Variants in MRPL38 observed in about 807,000 individuals in gnomAD.
The protein encoded by MRPL38 is large ribosomal subunit protein mL38.
In MRPL38, 51 loss-of-function variants were observed where a neutral mutation model predicts 52.1. The observed-to-expected ratio is 0.98, with a 90% confidence interval of 0.78 to 1.24. MRPL38 has a LOEUF of 1.24. MRPL38 is among the 50% of genes most tolerant of loss of function. The pLI is 0.00. For synonymous variants in MRPL38, 245 were observed against 212.7 expected (o/e 1.15, Z -1.32); for missense variants, 527 against 518.6 (o/e 1.02, Z -0.16).
At chr17:75,899,876 G>A (rs982224742) in intron 6 of MRPL38, 6 of 395,762 alleles carry the variant, frequency 1.5e-5, no homozygotes, top group Admixed American at 8.8e-5. Context: ...GAGGAGCTCC[G>A]AGTGGGGGAC....
chr17:75,903,337 A>G (rs1238916824), intron 2 of MRPL38, among the ~76,000 whole-genome samples: 1 of 152,212 alleles, frequency 6.6e-6, no homozygotes, highest in Non-Finnish European at 1.5e-5. Context: ...TGAACCCAGG[A>G]GGCAGAGGTT....
rs548940225 is a variant in MRPL38 at position 75,901,580 on chromosome 17, T to C, written c.591+132A>G. ...TGTTCTATTTTCTTTGAAATTGTCA[T>C]GGTGTCGTCTTCCAGGAAATCAAAG... On this transcript the variant is annotated intron_variant, in intron 4 of 8. Transcript: ENST00000309352. This position sits in a 1 kb window ranked among gnomAD's most constrained non-coding sequence, Gnocchi z 5.7. The C allele has an allele frequency of 2.6e-6, 2 of 763,138 alleles. No individual in the cohort carries two copies. Among genetic ancestry groups the C allele is most frequent in the East Asian group, 2.7e-5 (1 of 37,194 alleles). 47.3% of individuals were successfully genotyped at this position (763,138 alleles called of 1,614,324 possible).
Position 75,901,226 on chromosome 17 carries a change from C to T in MRPL38, c.639G>A (p.Leu213=). Reference sequence around the variant, plus strand: ...CCAAGCTAGTGAGTAGCAACGTCCACAAGGAGCCCTCTTCTGCCTCATAGG... The same window carrying T: ...CCAAGCTAGTGAGTAGCAACGTCCATAAGGAGCCCTCTTCTGCCTCATAGG... ...EVTYEAEEGS[L]WTLLLTSLDG... The change falls in exon 5 of 9, where the codon TTG becomes TTA. Residue 213 remains leucine (L), a synonymous_variant. Transcript: ENST00000309352. This position sits in a 1 kb window ranked among gnomAD's most constrained non-coding sequence, Gnocchi z 5.7. 1.2e-6 allele frequency: 2 copies of T among 1,613,686 alleles called. No individual in the cohort carries two copies. The highest frequency in any genetic ancestry group is 2.7e-5 in the African/African-American group (2 of 75,068).
Position 75,899,567 on chromosome 17 carries a change from AAG to A in MRPL38, c.816_817del (p.Phe273GlnfsTer7). On this transcript the variant is annotated frameshift_variant, in exon 7 of 9. Coordinates refer to ENST00000309352, the MANE Select transcript of MRPL38 (RefSeq NM_032478.4). LOFTEE classifies it high-confidence loss of function. ...GAAGTCAATCGGCTGGTCCTGCTTG[AAG>A]AGCAGGAAGGCAAGACGGTGGATGC... The A allele has an allele frequency of 6.2e-7, 1 of 1,606,504 alleles. No individual in the cohort carries two copies. Among genetic ancestry groups the A allele is most frequent in the African/African-American group, 1.3e-5 (1 of 74,870 alleles).
At position 75,904,690 on chromosome 17, in the gene MRPL38, C is replaced by G; in HGVS notation, c.97G>C (p.Gly33Arg). 1 of 1,594,914 alleles carries G rather than the reference C, an allele frequency of 6.3e-7. No individual in the cohort carries two copies. The highest frequency in any genetic ancestry group is 8.5e-7 in the Non-Finnish European group (1 of 1,177,718). ...AVLGRRTPPL[G>R]PMPNSDIDLS... is the part of the protein sequence containing the mutation. ...TCGATGTCACTGTTGGGCATCGGCCCCAGCGGGGGTGTCCGGCGGCCCAGG... is the reference window on the plus strand; with the variant it reads ...TCGATGTCACTGTTGGGCATCGGCCGCAGCGGGGGTGTCCGGCGGCCCAGG... The change falls in exon 2 of 9, where the codon GGG becomes CGG. Residue 33 changes from glycine (G) to arginine (R), a missense_variant. Gly to Arg is a moderately radical substitution (Grantham distance 125). Coordinates refer to ENST00000309352, the MANE Select transcript of MRPL38 (RefSeq NM_032478.4).
In MRPL38 at chr17:75,904,876, C is replaced by A; in HGVS notation, c.-1G>T. ...CGGCTCGCCACCAGGGCGCCGCCATCTTCCCTCCGGCCTGCGACACTGCGG... is the reference window on the plus strand; with the variant it reads ...CGGCTCGCCACCAGGGCGCCGCCATATTCCCTCCGGCCTGCGACACTGCGG... On this transcript the variant is annotated 5_prime_UTR_variant, in exon 1 of 9. Transcript: ENST00000309352. The A allele has an allele frequency of 6.6e-7, 1 of 1,526,274 alleles. No homozygotes were observed. Among genetic ancestry groups the A allele is most frequent in the Non-Finnish European group, 8.7e-7 (1 of 1,143,570 alleles). The allele number at this position is 1,526,274 out of a possible 1,614,324, so 94.5% of individuals were successfully genotyped here. A position where few individuals can be genotyped will look rare whatever the true frequency, so the allele number is the denominator to read the frequency against.
chr17:75,901,903 C>T lies in MRPL38; in HGVS notation c.400G>A (p.Ala134Thr). Residue 134 changes from alanine (A) to threonine (T), a missense_variant, in exon 4 of 9, where the codon GCC (alanine) becomes ACC (threonine). Ala to Thr is a moderately conservative substitution (Grantham distance 58, BLOSUM62 0). Transcript: ENST00000309352. This position sits in a 1 kb window ranked among gnomAD's most constrained non-coding sequence, Gnocchi z 5.7. Reference protein sequence around the residue: ...RLRTASVPLDAVRAEWERTCG... With the variant: ...RLRTASVPLDTVRAEWERTCG... The stretch of plus-strand genomic sequence containing the variant: ...GTCCTCTCCCACTCGGCCCGCACGG[C>T]ATCCAGCGGGACACTGGCTAGACAG... The T allele has an allele frequency of 1.9e-6, 3 of 1,544,946 alleles. No individual in the cohort carries two copies. The highest frequency in any genetic ancestry group is 2.5e-5 in the East Asian group (1 of 39,552).
At chr17:75,900,896 T>C (rs1409585268) in intron 6 of MRPL38, 86 bp downstream of exon 6, 3 of 1,520,380 alleles carry the variant, frequency 2.0e-6, no homozygotes, top group Non-Finnish European at 1.8e-6. Flanking sequence ...GGGTAGTCCA[T>C]GAAACTCAGG....
At chr17:75,899,727 G>A in intron 6 of MRPL38, 53 bp from the exon 7 acceptor site, 1 of 1,460,676 alleles carries the variant, frequency 6.8e-7, no homozygotes, top group East Asian at 2.4e-5. Flanking sequence ...CAGCAGGAGT[G>A]TCCCCTCAGC....
rs1376423869 is a variant in MRPL38 at position 75,901,866 on chromosome 17, TA to T, written c.436del (p.Tyr146ThrfsTer39). On this transcript the variant is annotated frameshift_variant, in exon 4 of 9. Transcript: ENST00000309352. LOFTEE classifies it high-confidence loss of function. The surrounding 1 kb of genome is among the most constrained non-coding windows in gnomAD (Gnocchi z 5.7). ...ATACTCAGCCAGACGCTGCTTGTGG[TA>T]GGGGCCACAGGTCCTCTCCCACTCG... Reference protein sequence around the residue: ...RAEWERTCGPYHKQRLAEYYG... With the variant: ...RAEWERTCGPXHKQRLAEYYG... The T allele has an allele frequency of 6.2e-7, 1 of 1,611,854 alleles. No individual in the cohort carries two copies. The highest frequency in any genetic ancestry group is 2.2e-5 in the East Asian group (1 of 44,774).
intron 6 of MRPL38, 89 bp from the exon 7 acceptor site, chr17:75,899,763 T>G: frequency 8.4e-7 from 1 of 1,184,546 alleles, no homozygotes; most frequent in South Asian, 2.1e-5. Context: ...GAGGCTGACA[T>G]GACTCCCTGG....
chr17:75,901,836 C>A lies in MRPL38; in HGVS notation c.467G>T (p.Gly156Val), dbSNP rs779285651. ...YHKQRLAEYY[G>V]LYRDLFHGAT... ...ACCGTGGAACAGGTCTCGGTAGAGG[C>A]CGTAATACTCAGCCAGACGCTGCTT... The change falls in exon 4 of 9, where the codon GGC becomes GTC. Residue 156 changes from glycine (G) to valine (V), a missense_variant. Coordinates refer to ENST00000309352, the MANE Select transcript of MRPL38 (RefSeq NM_032478.4). The surrounding 1 kb of genome is among the most constrained non-coding windows in gnomAD (Gnocchi z 5.7). 6.2e-6 allele frequency: 10 copies of A among 1,613,290 alleles called. No homozygotes were observed. In the African/African-American group the frequency reaches 1.2e-4, roughly 19 times the overall value.
chr17:75,901,870 G>C lies in MRPL38; in HGVS notation c.433C>G (p.Pro145Ala). ...TCAGCCAGACGCTGCTTGTGGTAGG[G>C]GCCACAGGTCCTCTCCCACTCGGCC... ...VRAEWERTCG[P>A]YHKQRLAEYY... Residue 145 changes from proline (P) to alanine (A), a missense_variant, in exon 4 of 9, where the codon CCC becomes GCC. Physicochemically the swap from Pro to Ala is conservative, Grantham distance 27. Transcript: ENST00000309352. This position sits in a 1 kb window ranked among gnomAD's most constrained non-coding sequence, Gnocchi z 5.7. The C allele has an allele frequency of 6.2e-7, 1 of 1,612,976 alleles. No homozygotes were observed. The highest frequency in any genetic ancestry group is 8.5e-7 in the Non-Finnish European group (1 of 1,179,798).
At position 75,901,346 on chromosome 17, in the gene MRPL38, G is replaced by A; in HGVS notation, c.592-73C>T. On this transcript the variant is annotated intron_variant, in intron 4 of 8. Transcript: ENST00000309352. The surrounding 1 kb of genome is among the most constrained non-coding windows in gnomAD (Gnocchi z 5.7). Reference sequence around the variant, plus strand: ...CTGTTGCAGGGAGCCTTGGAGAAAGGGGTGCCCACTCTGACCCAAAAGCCC... The same window carrying A: ...CTGTTGCAGGGAGCCTTGGAGAAAGAGGTGCCCACTCTGACCCAAAAGCCC... 6.8e-7 allele frequency: 1 copy of A among 1,469,584 alleles called. No homozygotes were observed. Among genetic ancestry groups the A allele is most frequent in the Non-Finnish European group, 9.4e-7 (1 of 1,064,842 alleles). The allele number at this position is 1,469,584 out of a possible 1,614,324, so 91.0% of individuals were successfully genotyped here.
intron 6 of MRPL38, 185 bp from the exon 7 acceptor site, chr17:75,899,859 C>T (rs932679821): frequency 1.2e-5 from 5 of 430,730 alleles, no homozygotes; most frequent in South Asian, 1.7e-4. Context: ...ATACGGGAAG[C>T]GGGCTGGAGG....
rs764403850 is a variant in MRPL38, at chr17:75,904,640, C to T, written c.147G>A (p.Glu49=). Residue 49 remains glutamate, a synonymous_variant, in exon 2 of 9, where the codon GAG becomes GAA. Coordinates refer to ENST00000309352, the MANE Select transcript of MRPL38 (RefSeq NM_032478.4). ...DIDLSNLERL[E]KYRSFDRYRR... ...GGTAGCGGTCGAAGCTCCGGTACTT[C>T]TCCAGCCGCTCCAGGTTGCTCAAGT... is the stretch of plus-strand genomic sequence containing the variant. 4 of 1,595,846 alleles carry T rather than the reference C, an allele frequency of 2.5e-6. No homozygotes were observed. The South Asian group carries it at 4.4e-5, about 18-fold the overall frequency.
rs776480063 is a variant in MRPL38 at position 75,901,306 on chromosome 17, C to G, written c.592-33G>C. 2 of 1,606,220 alleles carry G rather than the reference C, an allele frequency of 1.2e-6. No homozygotes were observed. The highest frequency in any genetic ancestry group is 1.1e-5 in the South Asian group (1 of 90,098). On this transcript the variant is annotated intron_variant, in intron 4 of 8. Transcript: ENST00000309352. The surrounding 1 kb of genome is among the most constrained non-coding windows in gnomAD (Gnocchi z 5.7). ...GGTGAGAAGGAAGCTGTCAGCCCCA[C>G]CAGGGACAGGCCAGCTGTTGCAGGG...
chr17:75,900,884 A>G (rs2065400731), intron 6 of MRPL38, 98 bp downstream of exon 6: 1 of 1,499,572 alleles, frequency 6.7e-7, no homozygotes, highest in Non-Finnish European at 8.9e-7. Flanking sequence ...TCAAGGTCCC[A>G]TGGGTAGTCC....
Position 75,899,241 on chromosome 17 carries a change from TG to T in MRPL38, c.922del (p.Gln308LysfsTer4). The T allele has an allele frequency of 6.2e-7, 1 of 1,612,018 alleles. No individual in the cohort carries two copies. ...FRTFDFYKKH[Q>X]ETMTPAGLSF... is the part of the protein sequence containing the mutation. ...CAAGCCGGCTGGAGTCATGGTTTCT[TG>T]GTGTTTCTTGTAGAAATCAAAAGTG... On this transcript the variant is annotated frameshift_variant, in exon 8 of 9. Transcript: ENST00000309352. LOFTEE classifies it high-confidence loss of function.
Sources: allele counts gnomAD v4.1 joint callset (sites outside exome capture counted in the v4.1 genomes callset), GRCh38; gene constraint gnomAD v4.1.1; non-coding constraint Gnocchi (gnomAD v3.1); transcripts MANE v1.5; gene names NCBI Gene and HGNC (gene_info 2026-07-23, HGNC 2026-07-21).